GLYAT: variants seen among roughly 807,000 people sequenced by gnomAD.
GLYAT encodes glycine N-acyltransferase.
GLYAT carries 25 observed loss-of-function variants against 22.8 expected under a neutral mutation model. The observed-to-expected ratio is 1.09, with a 90% confidence interval of 0.80 to 1.53. The LOEUF is 1.53. Among genes scored for constraint, GLYAT ranks in the 40% most tolerant of loss-of-function variants. The probability of loss-of-function intolerance (pLI) is 0.00; values close to 1 mark genes in which losing one functional copy is unlikely to be tolerated. For synonymous variants in GLYAT, 140 were observed against 122.7 expected (o/e 1.14, Z -0.93); for missense variants, 411 against 353.9 (o/e 1.16, Z -1.29).
chr11:58,709,192 T>C lies in GLYAT; in HGVS notation c.*574A>G, dbSNP rs1196743317. 6.6e-6 allele frequency: 1 copy of C among 152,264 alleles called. No individual in the cohort carries two copies. Among genetic ancestry groups the C allele is most frequent in the Non-Finnish European group, 1.5e-5 (1 of 68,062 alleles). The allele number at this position is 152,264 out of a possible 1,614,324, so 9.4% of individuals were successfully genotyped here. ...CTTGGAGAGGATAGGATATCATCAG[T>C]TGATATTTCTTCTAGTAACATTCCC... On this transcript the variant is annotated 3_prime_UTR_variant, in exon 6 of 6. Transcript: ENST00000344743.
chr11:58,722,612 A>G (rs1856763585), intron 2 of GLYAT, among the ~76,000 whole-genome samples: 1 of 152,118 alleles, frequency 6.6e-6, no homozygotes, highest in South Asian at 2.1e-4. Context: ...AGGCAATCAG[A>G]TATGCATCTA....
rs758955814 is a variant in GLYAT at position 58,715,304 on chromosome 11, A to G, written c.189+12T>C. The G allele has an allele frequency of 4.4e-5, 53 of 1,206,030 alleles. No homozygotes were observed. Among genetic ancestry groups the G allele is most frequent in the Admixed American group, 5.1e-5 (3 of 58,580 alleles). The allele number at this position is 1,206,030 out of a possible 1,614,324, so 74.7% of individuals were successfully genotyped here. On this transcript the variant is annotated intron_variant, in intron 3 of 5. Transcript: ENST00000344743. ...TATAAATATAGAAGAATATTCACAC[A>G]TGGAAACTTACCTGCTCCTGAGGGC...
chr11:58,710,779 C>G lies in GLYAT; in HGVS notation c.317-18G>C. On this transcript the variant is annotated intron_variant, in intron 4 of 5. Coordinates refer to ENST00000344743, the MANE Select transcript of GLYAT (RefSeq NM_201648.3). The stretch of plus-strand genomic sequence containing the variant: ...CTGTGAACCTAGACGGTATAATAAA[C>G]AGAGATGAAATGGTTTAGGTATATT... 1 of 1,424,270 alleles carries G rather than the reference C, an allele frequency of 7.0e-7. No homozygotes were observed. The allele number at this position is 1,424,270 out of a possible 1,614,324, so 88.2% of individuals were successfully genotyped here. A position where few individuals can be genotyped will look rare whatever the true frequency, so the allele number is the denominator to read the frequency against.
chr11:58,710,606 C>G lies in GLYAT; in HGVS notation c.472G>C (p.Gly158Arg), dbSNP rs781027437. The change falls in exon 5 of 6, where the codon GGC (glycine) becomes CGC (arginine). Residue 158 changes from glycine to arginine, a missense_variant. Coordinates refer to ENST00000344743, the MANE Select transcript of GLYAT (RefSeq NM_201648.3). ...LKSKILSPNGGKPKAINQEMF... is the reference protein window; with the variant it reads ...LKSKILSPNGRKPKAINQEMF... ...CAAACTCACATGGCCTTGGGTTTGC[C>G]ACCATTGGGAGATAAAATCTTTGAT... 1 of 1,604,600 alleles carries G rather than the reference C, an allele frequency of 6.2e-7. No homozygotes were observed. Among genetic ancestry groups the G allele is most frequent in the African/African-American group, 1.3e-5 (1 of 74,746 alleles).
Position 58,715,433 on chromosome 11 carries a change from C to T in GLYAT, c.82-10G>A, listed in dbSNP as rs772780950. 19 of 1,273,304 alleles carry T rather than the reference C, an allele frequency of 1.5e-5. No individual in the cohort carries two copies. Among genetic ancestry groups the T allele is most frequent in the South Asian group, 2.5e-5 (2 of 80,840 alleles). 78.9% of individuals were successfully genotyped at this position (1,273,304 alleles called of 1,614,324 possible). A position where few individuals can be genotyped will look rare whatever the true frequency, so the allele number is the denominator to read the frequency against. On this transcript the variant is annotated splice_polypyrimidine_tract_variant and intron_variant, in intron 2 of 5. Transcript: ENST00000344743. The stretch of plus-strand genomic sequence containing the variant: ...AGACAGTTCCATAAACCTGCAGGAT[C>T]CCAAGAAATTGACAGGGTTGGTTTA...
At chr11:58,710,343 A>G in intron 5 of GLYAT, 175 bp from the exon 6 acceptor site, 1 of 1,137,476 alleles carries the variant, frequency 8.8e-7, no homozygotes, top group Non-Finnish European at 1.2e-6. Flanking sequence ...CTGTTGGAGG[A>G]AGAAAGCAGG....
chr11:58,726,898 G>C (rs186067006), intron 1 of GLYAT, among the ~76,000 whole-genome samples: 1 of 151,928 alleles, frequency 6.6e-6, no homozygotes, highest in Non-Finnish European at 1.5e-5. Flanking sequence ...ATTTGCCCTC[G>C]ACATAAAGGA....
intron 4 of GLYAT, among the ~76,000 whole-genome samples, chr11:58,711,652 A>G (rs1036718005): frequency 2.0e-5 from 3 of 152,188 alleles, no homozygotes; most frequent in Admixed American, 2.0e-4. Flanking sequence ...AGGTAAATTT[A>G]AAAAACGGTA....
At position 58,713,074 on chromosome 11, in the gene GLYAT, T is replaced by G. The variant is rs896626694; in HGVS notation, c.190-188A>C. Among the ~76,000 whole-genome samples, 170 of 152,138 alleles carry G rather than the reference T, an allele frequency of 1.1e-3. 3 individuals are homozygous for G. Among genetic ancestry groups the G allele is most frequent in the Non-Finnish European group, 3.4e-4 (23 of 68,006 alleles). The stretch of plus-strand genomic sequence containing the variant: ...ATATTTTGTTATGTGCATAGAATGT[T>G]TAATGATCAAGTCATAGTTTTCATC... On this transcript the variant is annotated intron_variant, in intron 3 of 5. Transcript: ENST00000344743.
Position 58,715,077 on chromosome 11 carries a change from A to G in GLYAT, c.189+239T>C, listed in dbSNP as rs146655809. On this transcript the variant is annotated intron_variant, in intron 3 of 5. Transcript: ENST00000344743. ...GGGTAGCCCCACCTTTGACTTCCAT[A>G]GTTTAATCAAGTTTTATTTGGCCTC... 7.2e-5 allele frequency among the ~76,000 whole-genome samples: 11 copies of G among 152,068 alleles called. No homozygotes were observed. The East Asian group carries it at 2.1e-3, about 29-fold the overall frequency.
intron 3 of GLYAT, among the ~76,000 whole-genome samples, 182 bp from the exon 4 acceptor site, chr11:58,713,068 G>A (rs1056562546): frequency 6.6e-6 from 1 of 151,984 alleles, no homozygotes; most frequent in African/African-American, 2.4e-5. Flanking sequence ...TATGTGCATA[G>A]AATGTTTAAT....
At chr11:58,728,889 A>AGAAAGAAAGAAAGAAGGAAGGAGGGAAG (rs1310407303) in intron 1 of GLYAT, among the ~76,000 whole-genome samples, 2 of 101,236 alleles carry the variant, frequency 2.0e-5, no homozygotes, top group African/African-American at 4.2e-5. Flanking sequence ...AAAGAAAGAA[A>AGAAAGAAAGAAAGAAGGAAGGAGGGAAG]GAAGGAAGGA....
At chr11:58,716,012 G>A (rs1429719530) in intron 2 of GLYAT, among the ~76,000 whole-genome samples, 1 of 152,106 alleles carries the variant, frequency 6.6e-6, no homozygotes, top group Non-Finnish European at 1.5e-5. Flanking sequence ...ACTCTCTGGA[G>A]AGCTTAACTG....
chr11:58,720,797 A>T (rs1215276180), intron 2 of GLYAT, among the ~76,000 whole-genome samples: 7 of 152,058 alleles, frequency 4.6e-5, no homozygotes, highest in Non-Finnish European at 1.0e-4. Context: ...AAACATTGAC[A>T]ACTTATAGTA....
intron 2 of GLYAT, among the ~76,000 whole-genome samples, chr11:58,716,333 C>T (rs185828987): frequency 6.2e-4 from 94 of 152,118 alleles, no homozygotes; most frequent in African/African-American, 2.2e-3. Context: ...CACTTGAATG[C>T]TTTCCATCAA....
At chr11:58,710,564 T>C in intron 5 of GLYAT, 26 bp downstream of exon 5, 3 of 1,539,940 alleles carry the variant, frequency 1.9e-6, no homozygotes, top group Non-Finnish European at 2.7e-6. Flanking sequence ...GTGTGAGTGG[T>C]ATAGACTGGA....
At chr11:58,724,110 T>C (rs1490911788) in intron 2 of GLYAT, 1 of 233,790 alleles carries the variant, frequency 4.3e-6, no homozygotes, top group Non-Finnish European at 8.2e-6. Flanking sequence ...AGCAAGGAAG[T>C]AATTTTTTGA....
intron 2 of GLYAT, among the ~76,000 whole-genome samples, chr11:58,722,742 A>T (rs1856766072): frequency 6.6e-6 from 1 of 152,082 alleles, no homozygotes; most frequent in Non-Finnish European, 1.5e-5. Context: ...AGTGAACAGA[A>T]CATAGCGAGG....
At chr11:58,717,608 GA>G (rs1165017643) in intron 2 of GLYAT, among the ~76,000 whole-genome samples, 2 of 151,778 alleles carry the variant, frequency 1.3e-5, no homozygotes, top group African/African-American at 4.8e-5. Flanking sequence ...TTGTAGCCAA[GA>G]AAAATAGAAT....
Sources: gnomAD v4.1 joint callset for allele counts (sites outside exome capture counted in the v4.1 genomes callset) on GRCh38, gnomAD v4.1.1 for gene constraint, MANE v1.5 for transcripts, NCBI Gene and HGNC (gene_info 2026-07-23, HGNC 2026-07-21) for gene names.